Variants in FRK observed in about 807,000 individuals in gnomAD.
FRK encodes fyn related Src family tyrosine kinase.
FRK carries 51 observed loss-of-function variants against 56.4 expected under a neutral mutation model. That is an observed-to-expected ratio of 0.90 (90% confidence interval 0.72 to 1.14). FRK has a LOEUF of 1.14. Ranked by LOEUF, FRK falls within the 50% of genes most tolerant of loss-of-function variation. The probability of loss-of-function intolerance (pLI) is 0.00; values close to 1 mark genes in which losing one functional copy is unlikely to be tolerated. For missense variants in FRK, 570 were observed against 601.4 expected (o/e 0.95, Z 0.55); for synonymous variants, 245 against 217.9 (o/e 1.12, Z -1.10).
At chr6:116,088,741 A>G in the FRK span, among the ~76,000 whole-genome samples, 1 of 152,340 alleles carries the variant, frequency 6.6e-6, no homozygotes, top group Non-Finnish European at 1.5e-5. Flanking sequence ...CAAATTCAAT[A>G]ATAATTTATG....
chr6:115,978,576 A>G (rs1033768926), intron 2 of FRK, among the ~76,000 whole-genome samples: 1 of 152,188 alleles, frequency 6.6e-6, no homozygotes, highest in Admixed American at 6.6e-5. Context: ...AACTATTAAT[A>G]AAAACACATA....
chr6:116,001,586 A>G (rs1305702483), intron 2 of FRK, among the ~76,000 whole-genome samples: 3 of 152,202 alleles, frequency 2.0e-5, no homozygotes, highest in Non-Finnish European at 2.9e-5. Context: ...ACTCAGCTGT[A>G]TCAACCAATC....
intron 1 of FRK, among the ~76,000 whole-genome samples, chr6:116,050,516 T>C (rs1777143610): frequency 6.6e-6 from 1 of 152,178 alleles, no homozygotes; most frequent in Non-Finnish European, 1.5e-5. Context: ...GATCTAATAG[T>C]GGGCCCTGTC....
At chr6:116,057,973 C>T (rs780091214) in intron 1 of FRK, among the ~76,000 whole-genome samples, 1 of 152,184 alleles carries the variant, frequency 6.6e-6, no homozygotes, top group Non-Finnish European at 1.5e-5. Flanking sequence ...TGAACCACTA[C>T]ATACGAACAT....
At chr6:116,058,354 A>C (rs964814175) in intron 1 of FRK, among the ~76,000 whole-genome samples, 2 of 152,164 alleles carry the variant, frequency 1.3e-5, no homozygotes, top group African/African-American at 4.8e-5. Context: ...ATTTCAATTC[A>C]TTTCTATTTA....
chr6:116,060,087 CAA>C lies in FRK; in HGVS notation c.223_224del (p.Leu75AlafsTer2), dbSNP rs1289577134. 2.5e-6 allele frequency: 4 copies of C among 1,614,042 alleles called. No individual in the cohort carries two copies. The highest frequency in any genetic ancestry group is 1.3e-5 in the African/African-American group (1 of 74,932). Reference sequence around the variant, plus strand: ...GTCTGGCAAACCACCAGCCCTCATGCAAAGTGTCCAGAACTTGAAGTTTGTCA... The same window carrying C: ...GTCTGGCAAACCACCAGCCCTCATGCAGTGTCCAGAACTTGAAGTTTGTCA... ...AGDKLQVLDT[L>X]HEGWWFARHL... On this transcript the variant is annotated frameshift_variant, in exon 1 of 8. Transcript: ENST00000606080. LOFTEE classifies it high-confidence loss of function.
chr6:116,005,353 G>C (rs1013166692), intron 1 of FRK, among the ~76,000 whole-genome samples: 2 of 152,276 alleles, frequency 1.3e-5, no homozygotes, highest in South Asian at 4.1e-4. Flanking sequence ...CTCGATGTCA[G>C]TCTCACTCAG....
At chr6:116,069,993 G>C in the FRK span, among the ~76,000 whole-genome samples, 1 of 152,080 alleles carries the variant, frequency 6.6e-6, no homozygotes, top group Non-Finnish European at 1.5e-5. Flanking sequence ...CTCTGAGTGA[G>C]AGACATCAGC....
chr6:116,018,123 C>A (rs537886650), intron 1 of FRK, among the ~76,000 whole-genome samples: 1 of 152,226 alleles, frequency 6.6e-6, no homozygotes, highest in African/African-American at 2.4e-5. Context: ...TGCTGAGGAA[C>A]CACTCCTCTT....
At chr6:116,081,668 T>C in the FRK span, among the ~76,000 whole-genome samples, 1 of 151,394 alleles carries the variant, frequency 6.6e-6, no homozygotes, top group Non-Finnish European at 1.5e-5. Context: ...AAAATATATA[T>C]ATATATATAT....
In FRK at chr6:115,984,612, C is replaced by A. The variant is rs146758145; in HGVS notation, c.467-15873G>T. 1.5e-3 allele frequency among the ~76,000 whole-genome samples: 226 copies of A among 152,038 alleles called. 1 individual carries two copies. Among genetic ancestry groups the A allele is most frequent in the African/African-American group, 5.4e-3 (224 of 41,470 alleles). ...TAATAATGAATCTACAGAAGTAAGT[C>A]CCAAGCAGAACATGGCCTGTTCCAT... On this transcript the variant is annotated intron_variant, in intron 2 of 7. Transcript: ENST00000606080.
intron 2 of FRK, among the ~76,000 whole-genome samples, chr6:116,002,140 T>G (rs1339300283): frequency 6.6e-6 from 1 of 152,258 alleles, no homozygotes; most frequent in Non-Finnish European, 1.5e-5. Flanking sequence ...AAAAGTTTTT[T>G]ATGTTTCTTT....
chr6:116,077,330 C>G, the FRK span, among the ~76,000 whole-genome samples: 3 of 152,226 alleles, frequency 2.0e-5, no homozygotes, highest in African/African-American at 7.2e-5. Context: ...TAGGGCTTAG[C>G]TGTGCCTGTG....
chr6:116,009,261 C>T (rs1775377731), intron 1 of FRK, among the ~76,000 whole-genome samples: 1 of 152,160 alleles, frequency 6.6e-6, no homozygotes, highest in African/African-American at 2.4e-5. Flanking sequence ...AACCTTTAAG[C>T]TGAACTTAAA....
intron 1 of FRK, among the ~76,000 whole-genome samples, chr6:116,058,818 G>A (rs1375794386): frequency 1.3e-5 from 2 of 151,272 alleles, no homozygotes; most frequent in Non-Finnish European, 1.5e-5. Flanking sequence ...GGCTGAGGCA[G>A]GAGAATGGCG....
intron 2 of FRK, among the ~76,000 whole-genome samples, chr6:115,972,045 C>T (rs1321910137): frequency 6.6e-6 from 1 of 152,188 alleles, no homozygotes; most frequent in Non-Finnish European, 1.5e-5. Context: ...TCTAAAGGAA[C>T]CCTCACTGCA....
chr6:115,955,035 T>C (rs1772930277), intron 5 of FRK, among the ~76,000 whole-genome samples: 1 of 152,050 alleles, frequency 6.6e-6, no homozygotes, highest in African/African-American at 2.4e-5. Flanking sequence ...AGAAGGCAGT[T>C]GGGTATGATT....
At chr6:116,058,546 A>ATTC (rs1337187963) in intron 1 of FRK, among the ~76,000 whole-genome samples, 24 of 152,226 alleles carry the variant, frequency 1.6e-4, no homozygotes, top group Admixed American at 1.6e-3. Flanking sequence ...TCACATAAAA[A>ATTC]TAAGAAACAC....
At chr6:116,073,486 G>C in the FRK span, among the ~76,000 whole-genome samples, 1 of 152,100 alleles carries the variant, frequency 6.6e-6, no homozygotes, top group African/African-American at 2.4e-5. Context: ...ACAAAGAAAT[G>C]TATTGAACTT....
Sources: gnomAD v4.1 joint callset for allele counts (sites outside exome capture counted in the v4.1 genomes callset) on GRCh38, gnomAD v4.1.1 for gene constraint, MANE v1.5 for transcripts, NCBI Gene and HGNC (gene_info 2026-07-23, HGNC 2026-07-21) for gene names.